Variants in NXPH2 observed in about 807,000 individuals in gnomAD.
The protein encoded by NXPH2 is neurexophilin-2.
A neutral mutation model predicts 19.8 loss-of-function variants in NXPH2; 5 were observed. That is an observed-to-expected ratio of 0.25 (90% CI 0.13 to 0.53). The LOEUF is 0.53. Ranked by LOEUF, NXPH2 falls within the 20% of genes least tolerant of loss-of-function variation. The pLI is 0.96. For missense variants in NXPH2, 289 were observed against 322.8 expected (o/e 0.90, Z 0.80); for synonymous variants, 154 against 127.4 (o/e 1.21, Z -1.41).
chr2:138,729,551 T>C (rs978604090), intron 1 of NXPH2, among the ~76,000 whole-genome samples: 1 of 152,214 alleles, frequency 6.6e-6, no homozygotes, highest in African/African-American at 2.4e-5. Context: ...AATCAAAATG[T>C]TGCTTTCCTA....
At chr2:138,739,161 A>AC (rs1681605744) in intron 1 of NXPH2, among the ~76,000 whole-genome samples, 1 of 151,994 alleles carries the variant, frequency 6.6e-6, no homozygotes, top group South Asian at 2.1e-4. Flanking sequence ...TAATAAAAAA[A>AC]TAACAACTTT....
intron 1 of NXPH2, among the ~76,000 whole-genome samples, chr2:138,738,858 T>C (rs1681593947): frequency 6.6e-6 from 1 of 152,206 alleles, no homozygotes; most frequent in African/African-American, 2.4e-5. Context: ...GGGAACTTTG[T>C]CTCTCATCAG....
At chr2:138,692,129 G>T (rs1321634259) in intron 1 of NXPH2, among the ~76,000 whole-genome samples, 1 of 152,210 alleles carries the variant, frequency 6.6e-6, no homozygotes, top group African/African-American at 2.4e-5. Context: ...AGCCTGCAGA[G>T]TTCAGCTCTG....
chr2:138,699,167 C>T (rs1268721887), intron 1 of NXPH2, among the ~76,000 whole-genome samples: 1 of 151,986 alleles, frequency 6.6e-6, no homozygotes, highest in Non-Finnish European at 1.5e-5. Context: ...TAATATGTAA[C>T]AAAGCTTCAA....
chr2:138,715,917 G>C (rs1325894335), intron 1 of NXPH2, among the ~76,000 whole-genome samples: 1 of 152,136 alleles, frequency 6.6e-6, no homozygotes, highest in East Asian at 1.9e-4. Context: ...TAGCCTCTCT[G>C]TCCTGGGGTG....
intron 1 of NXPH2, among the ~76,000 whole-genome samples, chr2:138,748,746 T>C (rs1681780862): frequency 6.6e-6 from 1 of 152,092 alleles, no homozygotes; most frequent in African/African-American, 2.4e-5. Flanking sequence ...GATTAACTTT[T>C]AGAAATCAAA....
intron 1 of NXPH2, among the ~76,000 whole-genome samples, chr2:138,717,192 G>A (rs552162286): frequency 6.6e-6 from 1 of 152,140 alleles, no homozygotes; most frequent in Non-Finnish European, 1.5e-5. Flanking sequence ...GTTATTAAAC[G>A]ACCAAAGACA....
At position 138,778,770 on chromosome 2, in the gene NXPH2, A is replaced by G. The variant is rs148605463; in HGVS notation, c.51+1421T>C. Among the ~76,000 whole-genome samples the G allele has an allele frequency of 7.0e-4, 106 of 152,360 alleles. 1 individual carries two copies. Among genetic ancestry groups the G allele is most frequent in the African/African-American group, 2.1e-3 (86 of 41,574 alleles). On this transcript the variant is annotated intron_variant, in intron 1 of 1. Coordinates refer to ENST00000272641, the MANE Select transcript of NXPH2 (RefSeq NM_007226.3). ...GGGATACTAAAGATTAATGTGGCAT[A>G]TATTTTGGATTCATAATGCCTAAGA...
At chr2:138,693,608 G>T (rs1244555910) in intron 1 of NXPH2, among the ~76,000 whole-genome samples, 1 of 151,616 alleles carries the variant, frequency 6.6e-6, no homozygotes, top group Non-Finnish European at 1.5e-5. Flanking sequence ...TCAAAGATGT[G>T]ACTCTCTAGA....
intron 1 of NXPH2, among the ~76,000 whole-genome samples, chr2:138,685,508 G>T (rs1231895312): frequency 6.6e-6 from 1 of 152,174 alleles, no homozygotes; most frequent in Non-Finnish European, 1.5e-5. Context: ...TTAAGTTGAA[G>T]ATATCATAAA....
intron 1 of NXPH2, among the ~76,000 whole-genome samples, chr2:138,774,135 T>C (rs1325630409): frequency 6.6e-6 from 1 of 152,236 alleles, no homozygotes; most frequent in Non-Finnish European, 1.5e-5. Context: ...ATGTTGTTTA[T>C]CTTAATAATT....
At chr2:138,760,394 G>A (rs1049510917) in intron 1 of NXPH2, among the ~76,000 whole-genome samples, 4 of 152,084 alleles carry the variant, frequency 2.6e-5, no homozygotes, top group African/African-American at 9.7e-5. Flanking sequence ...AAACCCCACA[G>A]GTTAGAAACA....
At chr2:138,706,512 C>T (rs553250300) in intron 1 of NXPH2, among the ~76,000 whole-genome samples, 81 of 152,236 alleles carry the variant, frequency 5.3e-4, no homozygotes, top group Non-Finnish European at 9.7e-4. Context: ...AGCTGTTTGT[C>T]CCCATCCTGT....
intron 1 of NXPH2, among the ~76,000 whole-genome samples, chr2:138,719,551 T>C (rs1208433961): frequency 6.6e-6 from 1 of 152,216 alleles, no homozygotes; most frequent in South Asian, 2.1e-4. Context: ...TATATGAATG[T>C]ATAGTGTTAC....
chr2:138,699,445 A>C (rs1680884007), intron 1 of NXPH2, among the ~76,000 whole-genome samples: 1 of 152,166 alleles, frequency 6.6e-6, no homozygotes, highest in Admixed American at 6.5e-5. Context: ...TGAATAATTC[A>C]TTAAGAATCA....
chr2:138,754,481 T>C lies in NXPH2; in HGVS notation c.51+25710A>G, dbSNP rs374435977. Among the ~76,000 whole-genome samples the C allele has an allele frequency of 6.6e-5, 10 of 152,306 alleles. No individual in the cohort carries two copies. In the South Asian group the frequency reaches 2.1e-3, roughly 32 times the overall value. ...GGCTTCTTTTACTCAGCAGTGTGCA[T>C]TAAAGGTTCATTTATACATTTTCAT... On this transcript the variant is annotated intron_variant, in intron 1 of 1. Coordinates refer to ENST00000272641, the MANE Select transcript of NXPH2 (RefSeq NM_007226.3).
Position 138,669,511 on chromosome 2 carries a change from C to G in NXPH2, c.*1411G>C, listed in dbSNP as rs1221857946. Among the ~76,000 whole-genome samples, 1 of 152,098 alleles carries G rather than the reference C, an allele frequency of 6.6e-6. No homozygotes were observed. The highest frequency in any genetic ancestry group is 1.5e-5 in the Non-Finnish European group (1 of 68,012). On this transcript the variant is annotated 3_prime_UTR_variant, in exon 2 of 2. Coordinates refer to ENST00000272641, the MANE Select transcript of NXPH2 (RefSeq NM_007226.3). ...AGAACAGAGCTCTTGGTTTTTTGAA[C>G]AGTGTGGTAAGAGTATTTCTTGTTG...
chr2:138,687,881 C>T (rs1297630308), intron 1 of NXPH2, among the ~76,000 whole-genome samples: 9 of 152,124 alleles, frequency 5.9e-5, no homozygotes, highest in African/African-American at 2.2e-4. Flanking sequence ...GGGCTCTGTT[C>T]TGTTCCATTG....
At chr2:138,772,593 G>A (rs559771956) in intron 1 of NXPH2, among the ~76,000 whole-genome samples, 93 of 152,192 alleles carry the variant, frequency 6.1e-4, no homozygotes, top group Non-Finnish European at 1.2e-3. Context: ...CACCGCGCCC[G>A]GCCCATGAGG....
Sources: allele counts gnomAD v4.1 joint callset (sites outside exome capture counted in the v4.1 genomes callset), GRCh38; gene constraint gnomAD v4.1.1; transcripts MANE v1.5; gene names NCBI Gene and HGNC (gene_info 2026-07-23, HGNC 2026-07-21).